Variants in WDR27 observed in about 807,000 individuals in gnomAD.
The protein encoded by WDR27 is WD repeat domain 27, also known as WD repeat-containing protein 27.
WDR27 carries 100 observed loss-of-function variants against 114.4 expected under a neutral mutation model. That is an observed-to-expected ratio of 0.87 (90% CI 0.74 to 1.03). The LOEUF (loss-of-function observed/expected upper bound fraction) is 1.03, where lower values mean the gene tolerates loss of function less well. WDR27 is among the 50% of genes least tolerant of loss of function. The pLI is 0.00. For synonymous variants in WDR27, 449 were observed against 423.1 expected, an observed-to-expected ratio of 1.06 and a Z score of -0.75; for missense variants, 1,129 against 1,092.9, an observed-to-expected ratio of 1.03 and a Z score of -0.47.
intron 21 of WDR27, among the ~76,000 whole-genome samples, chr6:169,620,009 G>A (rs1031602760): frequency 6.6e-6 from 1 of 152,178 alleles, no homozygotes; most frequent in African/African-American, 2.4e-5. Flanking sequence ...GTCTTGTAAT[G>A]TTATGCCAGA....
intron 25 of WDR27, among the ~76,000 whole-genome samples, chr6:169,502,781 T>G (rs78322605): frequency 2.0e-5 from 3 of 152,064 alleles, no homozygotes; most frequent in Non-Finnish European, 4.4e-5. Context: ...TCTTCAACCT[T>G]GCATTTCCCA....
At chr6:169,559,835 C>T (rs1032521603) in intron 25 of WDR27, 3 of 152,216 alleles carry the variant, frequency 2.0e-5, no homozygotes, top group African/African-American at 7.2e-5. Flanking sequence ...AATCTGAAGT[C>T]AGATCAATGA....
intron 25 of WDR27, among the ~76,000 whole-genome samples, chr6:169,464,332 C>T (rs540999322): frequency 7.9e-5 from 12 of 152,224 alleles, no homozygotes; most frequent in Admixed American, 2.0e-4. Context: ...GACATCCACA[C>T]GCAAAAGAAT....
Position 169,544,051 on chromosome 6 carries a change from A to T in WDR27, c.2645+28368T>A, listed in dbSNP as rs372750218. Reference sequence around the variant, plus strand: ...TTGCAGAAAAGTATTTGGAAAAGGCAACACATATTTATGATAAACTCAGCA... The same window carrying T: ...TTGCAGAAAAGTATTTGGAAAAGGCTACACATATTTATGATAAACTCAGCA... On this transcript the variant is annotated intron_variant, in intron 25 of 25. Transcript: ENST00000448612. Among the ~76,000 whole-genome samples the T allele has an allele frequency of 1.3e-4, 20 of 152,364 alleles. No homozygotes were observed. The South Asian group carries it at 2.5e-3, about 19-fold the overall frequency.
chr6:169,526,755 T>A (rs1795013787), intron 25 of WDR27, among the ~76,000 whole-genome samples: 1 of 152,216 alleles, frequency 6.6e-6, no homozygotes, highest in South Asian at 2.1e-4. Flanking sequence ...ATATATTTGA[T>A]ATGAGTTGAA....
the WDR27 span, among the ~76,000 whole-genome samples, chr6:169,445,090 G>C: frequency 6.6e-6 from 1 of 152,208 alleles, no homozygotes. Flanking sequence ...ACGATGGCTG[G>C]CTTGCCGTGG....
chr6:169,488,997 A>G (rs1339706968), intron 25 of WDR27, among the ~76,000 whole-genome samples: 1 of 149,642 alleles, frequency 6.7e-6, no homozygotes, highest in East Asian at 1.9e-4. Context: ...GTAAATTCCA[A>G]TGTTGATTTC....
intron 25 of WDR27, among the ~76,000 whole-genome samples, chr6:169,487,116 C>T (rs1246984297): frequency 6.6e-6 from 1 of 152,188 alleles, no homozygotes; most frequent in Non-Finnish European, 1.5e-5. Context: ...CGGAGTCTCA[C>T]CCACCTCAGC....
chr6:169,632,908 G>A (rs201124014), intron 21 of WDR27, 39 bp downstream of exon 21: 963 of 1,558,626 alleles, frequency 6.2e-4, no homozygotes, highest in Non-Finnish European at 5.5e-4. Context: ...TAAGCACATA[G>A]TTTTACAGAT....
At chr6:169,671,392 C>G (rs1269268412) in intron 3 of WDR27, 1 of 152,398 alleles carries the variant, frequency 6.6e-6, no homozygotes. Context: ...CCTAGAGAGA[C>G]ACACATGTTC....
At chr6:169,448,930 C>T in the WDR27 span, among the ~76,000 whole-genome samples, 1 of 152,240 alleles carries the variant, frequency 6.6e-6, no homozygotes, top group Non-Finnish European at 1.5e-5. Flanking sequence ...CAGCCTCTAA[C>T]TCCCCCTCCA....
At chr6:169,512,217 T>C (rs1341456155) in intron 25 of WDR27, among the ~76,000 whole-genome samples, 1 of 152,164 alleles carries the variant, frequency 6.6e-6, no homozygotes. Context: ...TTACCAAGTC[T>C]AGAAATTTTA....
chr6:169,539,523 AC>A lies in WDR27; in HGVS notation c.2645+32895del, dbSNP rs578149013. 2.6e-3 allele frequency among the ~76,000 whole-genome samples: 393 copies of A among 152,292 alleles called. 3 individuals carry two copies. Among genetic ancestry groups the A allele is most frequent in the African/African-American group, 8.1e-3 (336 of 41,554 alleles). ...CACCACCATCCCTTACTTAAAAAAA[AC>A]AAAACAAAACTTATCAAATAACATG... On this transcript the variant is annotated intron_variant, in intron 25 of 25. Transcript: ENST00000448612.
chr6:169,562,164 C>T (rs73790005), intron 25 of WDR27, among the ~76,000 whole-genome samples: 2,469 of 152,236 alleles, frequency 0.016, 62 homozygotes, highest in African/African-American at 0.057. Context: ...CATAAGGACG[C>T]GGAAGACTTG....
intron 25 of WDR27, among the ~76,000 whole-genome samples, chr6:169,463,239 G>A (rs1785132622): frequency 6.6e-6 from 1 of 152,228 alleles, no homozygotes; most frequent in Non-Finnish European, 1.5e-5. Context: ...CAAAAGGGCA[G>A]AGGGGGGTGT....
intron 25 of WDR27, 103 bp from the exon 26 acceptor site, chr6:169,457,737 T>C: frequency 1.2e-6 from 1 of 850,774 alleles, no homozygotes; most frequent in Non-Finnish European, 1.8e-6. Flanking sequence ...TTATTTTTAA[T>C]GTTCTGGAAC....
At chr6:169,687,098 T>C (rs1458059500) in intron 2 of WDR27, among the ~76,000 whole-genome samples, 2 of 152,142 alleles carry the variant, frequency 1.3e-5, no homozygotes, top group Non-Finnish European at 2.9e-5. Context: ...CAGTTAATAA[T>C]AACTTATTAT....
intron 25 of WDR27, among the ~76,000 whole-genome samples, chr6:169,510,616 C>A (rs1246381060): frequency 8.1e-6 from 1 of 124,168 alleles, no homozygotes; most frequent in Non-Finnish European, 1.6e-5. Context: ...GAATATCACA[C>A]ACTGGGGACT....
chr6:169,618,069 GAGA>G (rs1320914785), intron 21 of WDR27, among the ~76,000 whole-genome samples: 1 of 152,132 alleles, frequency 6.6e-6, no homozygotes, highest in African/African-American at 2.4e-5. Context: ...GTGGTTATCA[GAGA>G]AGAAGAAAAG....
Sources: allele counts gnomAD v4.1 joint callset (sites outside exome capture counted in the v4.1 genomes callset), GRCh38; gene constraint gnomAD v4.1.1; transcripts MANE v1.5; gene names NCBI Gene and HGNC (gene_info 2026-07-23, HGNC 2026-07-21).